Variants in NYAP2 observed in about 807,000 individuals in gnomAD.
NYAP2 encodes the protein neuronal tyrosine-phosphorylated phosphoinositide-3-kinase adapter 2.
NYAP2 carries 23 observed loss-of-function variants against 50.4 expected under a neutral mutation model. That is an observed-to-expected ratio of 0.46 (90% CI 0.33 to 0.65). The LOEUF (loss-of-function observed/expected upper bound fraction) is 0.65. Among genes scored for constraint, NYAP2 ranks in the 30% least tolerant of loss-of-function variants. NYAP2 has a pLI of 0.02. For missense variants in NYAP2, 885 were observed against 861.0 expected, an observed-to-expected ratio of 1.03 and a Z score of -0.35; for synonymous variants, 394 against 365.2, an observed-to-expected ratio of 1.08 and a Z score of -0.90.
chr2:225,692,270 TTC>T, the NYAP2 span, among the ~76,000 whole-genome samples: 3 of 152,156 alleles, frequency 2.0e-5, no homozygotes, highest in Non-Finnish European at 4.4e-5. Context: ...TCAGAGTATT[TTC>T]TTTTCTCTTT....
chr2:225,445,001 G>T (rs1222660103), intron 3 of NYAP2, among the ~76,000 whole-genome samples: 1 of 152,074 alleles, frequency 6.6e-6, no homozygotes, highest in East Asian at 1.9e-4. Context: ...TACTGACTTG[G>T]CTATGAGTTA....
intron 3 of NYAP2, among the ~76,000 whole-genome samples, chr2:225,453,154 T>A: frequency 6.6e-6 from 1 of 152,236 alleles, no homozygotes; most frequent in East Asian, 1.9e-4. Flanking sequence ...AGTATAAATG[T>A]GTATTTATTA....
chr2:225,640,987 T>C lies in NYAP2; in HGVS notation c.1829-10445T>C, dbSNP rs151120564. On this transcript the variant is annotated intron_variant, in intron 6 of 6. Coordinates refer to ENST00000636099, the Ensembl canonical transcript of NYAP2. Reference sequence around the variant, plus strand: ...GGGGAAAACAATTAGGTAGAAACCATTGGGATGATGCAGAAAGTGCCTTTC... The same window carrying C: ...GGGGAAAACAATTAGGTAGAAACCACTGGGATGATGCAGAAAGTGCCTTTC... Among the ~76,000 whole-genome samples the C allele has an allele frequency of 6.0e-3, 919 of 152,264 alleles. 6 individuals carry two copies. The highest frequency in any genetic ancestry group is 9.8e-3 in the Non-Finnish European group (664 of 68,016).
At chr2:225,507,295 T>C (rs1690724149) in intron 3 of NYAP2, among the ~76,000 whole-genome samples, 1 of 152,220 alleles carries the variant, frequency 6.6e-6, no homozygotes, top group African/African-American at 2.4e-5. Context: ...CCCCTGTCAC[T>C]TTTGAAGATG....
At chr2:225,506,242 A>C (rs1262025667) in intron 3 of NYAP2, among the ~76,000 whole-genome samples, 2 of 152,188 alleles carry the variant, frequency 1.3e-5, no homozygotes, top group Non-Finnish European at 2.9e-5. Flanking sequence ...GTTAGTGACT[A>C]GAATGGTGAG....
intron 3 of NYAP2, among the ~76,000 whole-genome samples, chr2:225,432,604 G>A (rs1689287657): frequency 1.3e-5 from 2 of 152,066 alleles, no homozygotes; most frequent in South Asian, 4.1e-4. Context: ...GAGAGCTGGA[G>A]TTATATCTAA....
intron 5 of NYAP2, among the ~76,000 whole-genome samples, 186 bp downstream of exon 5, chr2:225,583,221 G>C (rs1692330970): frequency 6.6e-6 from 1 of 152,234 alleles, no homozygotes. Context: ...TATCCTGAAA[G>C]TATTAAAAAT....
At chr2:225,474,070 C>T (rs1033278662) in intron 3 of NYAP2, among the ~76,000 whole-genome samples, 21 of 152,206 alleles carry the variant, frequency 1.4e-4, no homozygotes, top group Non-Finnish European at 2.8e-4. Flanking sequence ...ATAAGGAATC[C>T]TTTCCCCATT....
intron 4 of NYAP2, among the ~76,000 whole-genome samples, chr2:225,514,763 G>C (rs1690896514): frequency 6.6e-6 from 1 of 152,178 alleles, no homozygotes; most frequent in Non-Finnish European, 1.5e-5. Flanking sequence ...AATGCTGCCA[G>C]TGACCAGTTT....
intron 3 of NYAP2, among the ~76,000 whole-genome samples, chr2:225,436,710 C>T (rs1375932175): frequency 1.3e-5 from 2 of 148,676 alleles, no homozygotes; most frequent in Non-Finnish European, 3.0e-5. Context: ...ACTCTCTAAC[C>T]TAACTCTGAT....
chr2:225,646,095 T>C (rs1559239353), intron 6 of NYAP2, among the ~76,000 whole-genome samples: 1 of 152,354 alleles, frequency 6.6e-6, no homozygotes, highest in South Asian at 2.1e-4. Flanking sequence ...ATAATTCTTT[T>C]GGTCAAAGAA....
At chr2:225,624,839 C>T (rs1017680238) in intron 5 of NYAP2, among the ~76,000 whole-genome samples, 7 of 151,400 alleles carry the variant, frequency 4.6e-5, no homozygotes, top group African/African-American at 9.7e-5. Flanking sequence ...TTGTTTTGTA[C>T]GTAAGAAAAA....
At chr2:225,646,292 C>A (rs1693633678) in intron 6 of NYAP2, among the ~76,000 whole-genome samples, 1 of 152,182 alleles carries the variant, frequency 6.6e-6, no homozygotes, top group South Asian at 2.1e-4. Flanking sequence ...TGGCTCATGC[C>A]TGCAATCCTA....
the NYAP2 span, among the ~76,000 whole-genome samples, chr2:225,677,213 G>GT: frequency 6.6e-6 from 1 of 151,752 alleles, no homozygotes; most frequent in Non-Finnish European, 1.5e-5. Flanking sequence ...TTCTAAGCTA[G>GT]AATATTATTG....
At chr2:225,601,581 T>C (rs748065566) in intron 5 of NYAP2, among the ~76,000 whole-genome samples, 17 of 152,200 alleles carry the variant, frequency 1.1e-4, no homozygotes, top group South Asian at 8.3e-4. Flanking sequence ...ATTTTGTAAA[T>C]ACCAATCCTA....
intron 3 of NYAP2, among the ~76,000 whole-genome samples, chr2:225,409,599 A>G (rs1694999279): frequency 6.6e-6 from 1 of 151,982 alleles, no homozygotes; most frequent in Admixed American, 6.6e-5. Context: ...GCAGACTTTT[A>G]TGGCTGTTAA....
At chr2:225,518,157 C>A (rs986772124) in intron 4 of NYAP2, among the ~76,000 whole-genome samples, 2 of 151,826 alleles carry the variant, frequency 1.3e-5, no homozygotes, top group African/African-American at 4.8e-5. Context: ...CACATACATA[C>A]AATAGAATAC....
chr2:225,547,207 C>A lies in NYAP2; in HGVS notation c.523+33535C>A, dbSNP rs193113772. 1.1e-4 allele frequency among the ~76,000 whole-genome samples: 16 copies of A among 152,248 alleles called. 1 individual carries two copies. The East Asian group carries it at 3.1e-3, about 29-fold the overall frequency. On this transcript the variant is annotated intron_variant, in intron 4 of 6. Transcript: ENST00000636099. The stretch of plus-strand genomic sequence containing the variant: ...TAGTTCTTGAATGGCATTTCTGGAC[C>A]TACCCTGGGCCCACTGGGTAGCCCA...
chr2:225,524,223 G>A (rs1239422614), intron 4 of NYAP2, among the ~76,000 whole-genome samples: 1 of 152,204 alleles, frequency 6.6e-6, no homozygotes, highest in African/African-American at 2.4e-5. Context: ...GTCTGTGGCT[G>A]AAGGCCCTGG....
Sources: allele counts gnomAD v4.1 joint callset (sites outside exome capture counted in the v4.1 genomes callset), GRCh38; gene constraint gnomAD v4.1.1; transcripts MANE v1.5; gene names NCBI Gene and HGNC (gene_info 2026-07-23, HGNC 2026-07-21).